Variants in MOBP observed in about 807,000 individuals in gnomAD.
The protein encoded by MOBP is myelin-associated oligodendrocyte basic protein.
MOBP carries 5 observed loss-of-function variants against 15.0 expected under a neutral mutation model. The ratio of observed to expected loss-of-function variants is 0.33; its 90% CI spans 0.17 to 0.70. The LOEUF is 0.70. MOBP is among the 30% of genes least tolerant of loss of function. The pLI is 0.67. For synonymous variants in MOBP, 88 were observed against 99.0 expected, an observed-to-expected ratio of 0.89 and a Z score of 0.66; for missense variants, 188 against 257.8, an observed-to-expected ratio of 0.73 and a Z score of 1.85.
At chr3:39,475,980 T>C (rs922633848) in intron 1 of MOBP, among the ~76,000 whole-genome samples, 2 of 152,214 alleles carry the variant, frequency 1.3e-5, no homozygotes, top group Non-Finnish European at 2.9e-5. Context: ...CTGAGTAATT[T>C]ATAGAAAAAA....
exon 5 of MOBP, chr3:39,515,858 A>C (rs1432280586): frequency 6.6e-6 from 1 of 151,958 alleles, no homozygotes; most frequent in Non-Finnish European, 1.5e-5. Context: ...GAACTATTCT[A>C]TTCATTTATT....
chr3:39,520,704 TC>T (rs745609167), downstream of MOBP, among the ~76,000 whole-genome samples: 1 of 152,146 alleles, frequency 6.6e-6, no homozygotes, highest in Non-Finnish European at 1.5e-5. Context: ...AAGGTGGGTT[TC>T]CTCCCTTCAA....
chr3:39,521,925 G>A (rs1051067058), intron 3 of MOBP, among the ~76,000 whole-genome samples: 2 of 152,230 alleles, frequency 1.3e-5, no homozygotes, highest in African/African-American at 2.4e-5. Flanking sequence ...GTGTTGACAA[G>A]TGCTCATTTT....
At chr3:39,482,863 C>A (rs915461241) in intron 2 of MOBP, among the ~76,000 whole-genome samples, 43 of 152,156 alleles carry the variant, frequency 2.8e-4, no homozygotes, top group African/African-American at 9.9e-4. Flanking sequence ...CCTAAGTCCT[C>A]AAATATACCT....
Position 39,502,183 on chromosome 3 carries a change from G to A in MOBP, c.114G>A (p.Glu38=). 1 of 1,614,240 alleles carries A rather than the reference G, an allele frequency of 6.2e-7. No homozygotes were observed. The highest frequency in any genetic ancestry group is 1.1e-5 in the South Asian group (1 of 91,088). The change falls in exon 3 of 4, where the codon GAG becomes GAA. Residue 38 remains glutamate (E), a synonymous_variant. Coordinates refer to ENST00000684792, the MANE Select transcript of MOBP (RefSeq NM_001393704.1). This position sits in a 1 kb window ranked among gnomAD's most constrained non-coding sequence, Gnocchi z 6.3. The stretch of plus-strand genomic sequence containing the variant: ...TCACCTTCCTCAATTCCAAGAAGGA[G>A]ATAGTGGATCGGAAATACAGCATCT... ...PPFTFLNSKK[E]IVDRKYSICK...
chr3:39,499,151 C>T (rs9854092), intron 2 of MOBP, among the ~76,000 whole-genome samples: 2,908 of 152,190 alleles, frequency 0.019, 73 homozygotes, highest in African/African-American at 0.065. Context: ...ATGTGCTGGG[C>T]ACCTGAAGAA....
chr3:39,492,044 A>G (rs1247220156), intron 2 of MOBP, among the ~76,000 whole-genome samples: 44 of 152,170 alleles, frequency 2.9e-4, no homozygotes, highest in South Asian at 6.2e-4. Flanking sequence ...TTTGGCTGGG[A>G]GGCTGTCTAA....
chr3:39,505,263 C>G (rs1452674122), downstream of MOBP, among the ~76,000 whole-genome samples: 1 of 152,126 alleles, frequency 6.6e-6, no homozygotes, highest in African/African-American at 2.4e-5. Flanking sequence ...AATTTGGAGT[C>G]AATCAGTCAC....
chr3:39,512,722 T>C (rs1188575505), intron 4 of MOBP, among the ~76,000 whole-genome samples: 1 of 152,232 alleles, frequency 6.6e-6, no homozygotes, highest in East Asian at 1.9e-4. Flanking sequence ...TTTTGTGTAT[T>C]TGTTTTTTAA....
At chr3:39,485,998 C>T (rs2042701969) in intron 2 of MOBP, among the ~76,000 whole-genome samples, 2 of 152,086 alleles carry the variant, frequency 1.3e-5, no homozygotes, top group South Asian at 4.2e-4. Context: ...AAACTTCATA[C>T]GTTTATATGT....
rs1371799727 is a variant in MOBP, at chr3:39,502,315, G to GCGCGTGGTCT, written c.206+43_206+52dup. The GCGCGTGGTCT allele has an allele frequency of 6.2e-7, 1 of 1,611,906 alleles. No individual in the cohort carries two copies. On this transcript the variant is annotated intron_variant, in intron 3 of 3. Transcript: ENST00000684792. The surrounding 1 kb of genome is among the most constrained non-coding windows in gnomAD (Gnocchi z 6.3). ...AGCCCCGCGGCACCAGTTGGGCACA[G>GCGCGTGGTCT]CGCGTGGTCTCGGCTCCCAGCACGC...
chr3:39,518,932 CA>C (rs2043234018), downstream of MOBP, among the ~76,000 whole-genome samples: 1 of 152,206 alleles, frequency 6.6e-6, no homozygotes, highest in Non-Finnish European at 1.5e-5. Flanking sequence ...TCAGCACTCA[CA>C]GGGGCATCCT....
intron 2 of MOBP, among the ~76,000 whole-genome samples, chr3:39,490,506 T>C (rs918871997): frequency 2.6e-5 from 4 of 152,246 alleles, no homozygotes; most frequent in Admixed American, 2.6e-4. Flanking sequence ...CTTCCTCTTG[T>C]TCTTAAAACC....
At chr3:39,509,678 G>T in intron 4 of MOBP, among the ~76,000 whole-genome samples, 1 of 152,060 alleles carries the variant, frequency 6.6e-6, no homozygotes, top group East Asian at 1.9e-4. Flanking sequence ...TTTATTCACA[G>T]TGTTTTGTGA....
At chr3:39,469,935 C>T (rs1425127801) in intron 1 of MOBP, among the ~76,000 whole-genome samples, 2 of 152,134 alleles carry the variant, frequency 1.3e-5, no homozygotes, top group African/African-American at 4.8e-5. Flanking sequence ...ATTACAGTGA[C>T]CTGTATGTGA....
chr3:39,485,925 C>T (rs2042700662), intron 2 of MOBP, among the ~76,000 whole-genome samples: 1 of 143,426 alleles, frequency 7.0e-6, no homozygotes, highest in Non-Finnish European at 1.5e-5. Flanking sequence ...CTATTATTTC[C>T]CTGTTTGTCT....
chr3:39,502,497 C>T lies in MOBP; in HGVS notation c.207-38C>T, dbSNP rs1382120392. 3.2e-6 allele frequency: 5 copies of T among 1,550,910 alleles called. No homozygotes were observed. The African/African-American group carries it at 6.8e-5, about 21-fold the overall frequency. ...GCGTCGCTTAAGCAGCAGAGGAGAG[C>T]CCTGGCTCCCGCCTCCAGCTTCTTT... On this transcript the variant is annotated intron_variant, in intron 3 of 3. Transcript: ENST00000684792. This position sits in a 1 kb window ranked among gnomAD's most constrained non-coding sequence, Gnocchi z 6.3.
intron 1 of MOBP, among the ~76,000 whole-genome samples, chr3:39,478,476 A>G (rs1482107762): frequency 2.0e-5 from 3 of 152,180 alleles, no homozygotes; most frequent in Admixed American, 6.5e-5. Context: ...TAAGCAACAC[A>G]TGACTGTATA....
intron 2 of MOBP, chr3:39,500,031 A>G: frequency 2.2e-6 from 1 of 455,890 alleles, no homozygotes; most frequent in Non-Finnish European, 4.4e-6. Context: ...CTTGTATGAC[A>G]CTCACTGATG....
Sources: gnomAD v4.1 joint callset for allele counts (sites outside exome capture counted in the v4.1 genomes callset) on GRCh38, gnomAD v4.1.1 for gene constraint, Gnocchi (gnomAD v3.1) non-coding constraint, MANE v1.5 for transcripts, NCBI Gene and HGNC (gene_info 2026-07-23, HGNC 2026-07-21) for gene names.